LBH: variants seen among roughly 807,000 people sequenced by gnomAD.
LBH encodes the protein LBH regulator of Wnt signaling pathway, also known as protein LBH.
Under a neutral mutation model 12.5 loss-of-function variants are expected in LBH, and 7 were observed. The ratio of observed to expected loss-of-function variants is 0.56; its 90% confidence interval spans 0.32 to 1.05. The LOEUF is 1.05. LBH is among the 50% of genes least tolerant of loss of function. LBH has a pLI of 0.04. For missense variants in LBH, 119 were observed against 138.9 expected, an observed-to-expected ratio of 0.86 and a Z score of 0.72; for synonymous variants, 51 against 50.1, an observed-to-expected ratio of 1.02 and a Z score of -0.08.
At position 30,258,545 on chromosome 2, in the gene LBH, G is replaced by C. The variant is rs1223343401; in HGVS notation, c.*924G>C. The C allele has an allele frequency of 6.5e-6, 1 of 153,042 alleles. No homozygotes were observed. Among genetic ancestry groups the C allele is most frequent in the African/African-American group, 2.4e-5 (1 of 41,420 alleles). The allele number at this position is 153,042 out of a possible 1,614,324, so 9.5% of individuals were successfully genotyped here. A position where few individuals can be genotyped will look rare whatever the true frequency, so the allele number is the denominator to read the frequency against. Reference sequence around the variant, plus strand: ...CTTGCTCCCGAGATGGAGTGGGCGTGGTCTTCCAGGCTGGCCCTTCCTTCT... The same window carrying C: ...CTTGCTCCCGAGATGGAGTGGGCGTCGTCTTCCAGGCTGGCCCTTCCTTCT... On this transcript the variant is annotated 3_prime_UTR_variant, in exon 3 of 3. Coordinates refer to ENST00000395323, the MANE Select transcript of LBH (RefSeq NM_030915.4).
At chr2:30,253,267 G>A (rs1678019306) in intron 2 of LBH, among the ~76,000 whole-genome samples, 1 of 152,212 alleles carries the variant, frequency 6.6e-6, no homozygotes, top group Non-Finnish European at 1.5e-5. Flanking sequence ...CTCTGAAGCA[G>A]CTGTCAGAGA....
At chr2:30,249,930 C>G (rs1397785112) in intron 2 of LBH, among the ~76,000 whole-genome samples, 1 of 152,236 alleles carries the variant, frequency 6.6e-6, no homozygotes, top group Admixed American at 6.5e-5. Flanking sequence ...CTTCGATGAG[C>G]CTGTCAGGCA....
intron 2 of LBH, among the ~76,000 whole-genome samples, chr2:30,242,885 G>A (rs531216460): frequency 6.6e-6 from 1 of 152,206 alleles, no homozygotes; most frequent in South Asian, 2.1e-4. Context: ...GGTCTGATTT[G>A]TTTCTTTGGA....
intron 1 of LBH, among the ~76,000 whole-genome samples, chr2:30,233,920 G>C (rs1395258124): frequency 1.3e-5 from 2 of 152,180 alleles, no homozygotes; most frequent in Non-Finnish European, 2.9e-5. Flanking sequence ...ATTGGACTTT[G>C]TTTCCCTCCA....
At chr2:30,232,418 CCGGGCGCGGGGCGTCG>C (rs1186654728) in intron 1 of LBH, 149 of 670,474 alleles carry the variant, frequency 2.2e-4, no homozygotes, top group Non-Finnish European at 3.2e-4. Flanking sequence ...GGAGCCCGGG[CCGGGCGCGGGGCGTCG>C]GAGGTTTGCC....
intron 2 of LBH, among the ~76,000 whole-genome samples, chr2:30,250,709 T>C (rs1677963797): frequency 1.3e-5 from 2 of 151,804 alleles, no homozygotes; most frequent in South Asian, 4.2e-4. Context: ...CCTCCAAGGG[T>C]GAAATGGGAA....
chr2:30,239,359 G>C (rs1468347540), intron 2 of LBH, among the ~76,000 whole-genome samples: 1 of 152,106 alleles, frequency 6.6e-6, no homozygotes, highest in East Asian at 1.9e-4. Context: ...CAGCTCACGA[G>C]GCCATTCTGG....
chr2:30,252,284 G>A (rs1176929009), intron 2 of LBH, among the ~76,000 whole-genome samples: 1 of 152,172 alleles, frequency 6.6e-6, no homozygotes. Context: ...ACCTTGTGAA[G>A]AAGGATGTGT....
intron 1 of LBH, chr2:30,232,387 C>G: frequency 1.2e-6 from 1 of 850,122 alleles, no homozygotes; most frequent in Non-Finnish European, 1.7e-6. Context: ...GAGGAGCCGC[C>G]TTCGCCGTGC....
chr2:30,237,433 G>GCTTCGAGGCATCCTCAATGATA, intron 2 of LBH, among the ~76,000 whole-genome samples: 1 of 143,958 alleles, frequency 6.9e-6, no homozygotes, highest in East Asian at 1.9e-4. Flanking sequence ...CAATGATGCC[G>GCTTCGAGGCATCCTCAATGATA]CTTCGAGGAT....
intron 2 of LBH, among the ~76,000 whole-genome samples, chr2:30,250,284 C>G (rs769095539): frequency 1.2e-4 from 19 of 152,116 alleles, no homozygotes; most frequent in Non-Finnish European, 2.2e-4. Flanking sequence ...CTCTCCACCC[C>G]CGGCCTTCCT....
chr2:30,257,770 GTTTTC>G lies in LBH; in HGVS notation c.*162_*166del, dbSNP rs1486251572. On this transcript the variant is annotated 3_prime_UTR_variant, in exon 3 of 3. Coordinates refer to ENST00000395323, the MANE Select transcript of LBH (RefSeq NM_030915.4). ...TTTGCACCTGCAGATCACCGAGTTG[GTTTTC>G]TTTTCTTTTCTTGCCTTTTTTTTTT... 2.1e-5 allele frequency: 11 copies of G among 514,860 alleles called. No individual in the cohort carries two copies. Among genetic ancestry groups the G allele is most frequent in the East Asian group, 7.1e-5 (2 of 28,092 alleles). 31.9% of individuals were successfully genotyped at this position (514,860 alleles called of 1,614,324 possible).
At chr2:30,234,539 T>G in intron 2 of LBH, 32 bp downstream of exon 2, 151 of 1,517,326 alleles carry the variant, frequency 1.0e-4, no homozygotes, top group Non-Finnish European at 1.3e-4. Flanking sequence ...TCTGACTCTC[T>G]AGAGCCTAGT....
intron 2 of LBH, among the ~76,000 whole-genome samples, chr2:30,238,730 C>T (rs1023108209): frequency 6.6e-6 from 1 of 152,148 alleles, no homozygotes; most frequent in South Asian, 2.1e-4. Flanking sequence ...GTATTTGCCT[C>T]GTGCAGTTGG....
intron 2 of LBH, among the ~76,000 whole-genome samples, chr2:30,257,207 A>G (rs1003379586): frequency 3.3e-5 from 5 of 152,218 alleles, no homozygotes; most frequent in Middle Eastern, 3.2e-3. Flanking sequence ...CCAAACTTTC[A>G]GCTTCAGGAT....
At chr2:30,251,266 G>C (rs1173861058) in intron 2 of LBH, among the ~76,000 whole-genome samples, 1 of 151,824 alleles carries the variant, frequency 6.6e-6, no homozygotes, top group Non-Finnish European at 1.5e-5. Context: ...CATGGCAAGT[G>C]GCTACTGTAC....
chr2:30,232,325 C>T (rs1001497751), intron 1 of LBH: 2 of 1,291,790 alleles, frequency 1.5e-6, no homozygotes. Context: ...TCAACCCCTG[C>T]CCTCTCCACC....
At chr2:30,242,586 G>A (rs2103558791) in intron 2 of LBH, among the ~76,000 whole-genome samples, 2 of 151,966 alleles carry the variant, frequency 1.3e-5, no homozygotes, top group Non-Finnish European at 2.9e-5. Context: ...CAGAGACATG[G>A]GAAGAGAAAA....
intron 2 of LBH, among the ~76,000 whole-genome samples, chr2:30,250,987 T>C (rs1677969012): frequency 6.6e-6 from 1 of 151,736 alleles, no homozygotes; most frequent in Non-Finnish European, 1.5e-5. Context: ...TAAATTTCTA[T>C]TAATAAAAAT....
Sources: gnomAD v4.1 joint callset for allele counts (sites outside exome capture counted in the v4.1 genomes callset) on GRCh38, gnomAD v4.1.1 for gene constraint, MANE v1.5 for transcripts, NCBI Gene and HGNC (gene_info 2026-07-23, HGNC 2026-07-21) for gene names.